The following SLC12A2 variants were observed in gnomAD, a reference collection of about 807,000 sequenced individuals.
SLC12A2 encodes solute carrier family 12 member 2, also known as Na-K-2Cl cotransporter 1.
A neutral mutation model predicts 136.3 loss-of-function variants in SLC12A2; 67 were observed. That is an observed-to-expected ratio of 0.49 (90% confidence interval 0.40 to 0.60). SLC12A2 has a LOEUF of 0.60. SLC12A2 is among the 20% of genes least tolerant of loss of function. The pLI, the probability that SLC12A2 is intolerant of heterozygous loss-of-function variation, is 0.00. For missense variants in SLC12A2, 1,322 were observed against 1,534.7 expected (o/e 0.86, Z 2.32); for synonymous variants, 619 against 562.9 (o/e 1.10, Z -1.41).
At chr5:128,129,979 A>G (rs1289901071) in intron 4 of SLC12A2, among the ~76,000 whole-genome samples, 2 of 151,232 alleles carry the variant, frequency 1.3e-5, no homozygotes, top group African/African-American at 4.9e-5. Context: ...GACAGGATTT[A>G]CTGGGATACA....
chr5:128,169,683 C>T (rs1763309029), intron 18 of SLC12A2: 1 of 152,062 alleles, frequency 6.6e-6, no homozygotes, highest in Non-Finnish European at 1.5e-5. Context: ...TTAATGTGGT[C>T]CATGAGCCAT....
chr5:128,151,879 G>A (rs752368024), intron 14 of SLC12A2, among the ~76,000 whole-genome samples: 28 of 152,092 alleles, frequency 1.8e-4, no homozygotes, highest in Admixed American at 1.3e-4. Flanking sequence ...TTACTGTGTA[G>A]CAGGGGAAAT....
intron 20 of SLC12A2, among the ~76,000 whole-genome samples, chr5:128,175,655 A>G (rs1015477377): frequency 5.3e-5 from 8 of 152,020 alleles, no homozygotes; most frequent in African/African-American, 1.7e-4. Context: ...TGTTACCCAT[A>G]CATTAGCTAA....
chr5:128,101,008 C>T (rs370116594), intron 1 of SLC12A2, among the ~76,000 whole-genome samples: 1 of 152,144 alleles, frequency 6.6e-6, no homozygotes, highest in African/African-American at 2.4e-5. Context: ...TGTAAAGTCA[C>T]ATGGTCACAC....
chr5:128,152,411 CAAT>C (rs933466552), intron 14 of SLC12A2, among the ~76,000 whole-genome samples: 2 of 152,132 alleles, frequency 1.3e-5, no homozygotes, highest in Non-Finnish European at 2.9e-5. Context: ...TATATACAAA[CAAT>C]AATTTTAACA....
chr5:128,090,752 C>G (rs1210981837), intron 1 of SLC12A2, among the ~76,000 whole-genome samples: 1 of 152,142 alleles, frequency 6.6e-6, no homozygotes, highest in Non-Finnish European at 1.5e-5. Flanking sequence ...AAAGAACACT[C>G]TAGGCAGAGG....
intron 7 of SLC12A2, 81 bp from the exon 8 acceptor site, chr5:128,138,516 G>A: frequency 2.3e-6 from 3 of 1,292,046 alleles, no homozygotes; most frequent in African/African-American, 1.5e-5. Context: ...TAGGGGTCAT[G>A]TATACCTATT....
At chr5:128,106,389 A>G (rs888332325) in intron 1 of SLC12A2, among the ~76,000 whole-genome samples, 11 of 152,300 alleles carry the variant, frequency 7.2e-5, no homozygotes, top group African/African-American at 2.6e-4. Context: ...TGTGGACCAA[A>G]TACCATACTT....
At chr5:128,099,371 A>G (rs1294935368) in intron 1 of SLC12A2, among the ~76,000 whole-genome samples, 20 of 152,214 alleles carry the variant, frequency 1.3e-4, no homozygotes, top group Admixed American at 9.2e-4. Context: ...TGTGTAGGAT[A>G]CTTACTATTG....
chr5:128,162,337 A>G lies in SLC12A2; in HGVS notation c.2616+537A>G, dbSNP rs1406557351. Among the ~76,000 whole-genome samples the G allele has an allele frequency of 2.6e-5, 4 of 152,130 alleles. No homozygotes were observed. In the East Asian group the frequency reaches 5.8e-4, roughly 22 times the overall value. ...GAGCTACCCGTATCAGAAACTTAAC[A>G]TATATGACAAAGGTGCTATTGAAAG... On this transcript the variant is annotated intron_variant, in intron 17 of 26. Coordinates refer to ENST00000262461, the MANE Select transcript of SLC12A2 (RefSeq NM_001046.3).
chr5:128,083,975 G>A lies in SLC12A2; in HGVS notation c.21G>A (p.Ala7=), dbSNP rs1759925882. MEPRPT[A]PSSGAPGLAG... Reference sequence around the variant, plus strand: ...CAGCTATGGAGCCGCGGCCCACGGCGCCCTCCTCCGGCGCCCCGGGACTGG... The same window carrying A: ...CAGCTATGGAGCCGCGGCCCACGGCACCCTCCTCCGGCGCCCCGGGACTGG... The change falls in exon 1 of 27, where the codon GCG becomes GCA. Residue 7 remains alanine, a synonymous_variant. Coordinates refer to ENST00000262461, the MANE Select transcript of SLC12A2 (RefSeq NM_001046.3). 8.1e-7 allele frequency: 1 copy of A among 1,240,846 alleles called. No individual in the cohort carries two copies. The allele number at this position is 1,240,846 out of a possible 1,614,324, so 76.9% of individuals were successfully genotyped here.
intron 15 of SLC12A2, among the ~76,000 whole-genome samples, chr5:128,154,369 A>C (rs72794392): frequency 6.6e-6 from 1 of 151,634 alleles, no homozygotes; most frequent in Non-Finnish European, 1.5e-5. Flanking sequence ...GTGAGCCATG[A>C]TTGTACCACT....
At position 128,187,301 on chromosome 5, in the gene SLC12A2, C is replaced by A. The variant is rs1763900038; in HGVS notation, c.*670C>A. 6.6e-6 allele frequency: 1 copy of A among 151,964 alleles called. No homozygotes were observed. The highest frequency in any genetic ancestry group is 2.1e-4 in the South Asian group (1 of 4,816). 9.4% of individuals were successfully genotyped at this position (151,964 alleles called of 1,614,324 possible). A position where few individuals can be genotyped will look rare whatever the true frequency, so the allele number is the denominator to read the frequency against. ...AAAGCCCCCCCAAATACCTTTTTAA[C>A]CCCTCTGATTGGCTATTATTACTAT... On this transcript the variant is annotated 3_prime_UTR_variant, in exon 27 of 27. Coordinates refer to ENST00000262461, the MANE Select transcript of SLC12A2 (RefSeq NM_001046.3).
chr5:128,099,496 A>T (rs72794361), intron 1 of SLC12A2, among the ~76,000 whole-genome samples: 17,327 of 152,182 alleles, frequency 0.11, 1,056 homozygotes, highest in African/African-American at 0.16. Flanking sequence ...AAATTTATTT[A>T]AAAAATATTT....
intron 1 of SLC12A2, among the ~76,000 whole-genome samples, chr5:128,087,755 G>A (rs1760153016): frequency 6.6e-6 from 1 of 152,200 alleles, no homozygotes; most frequent in Non-Finnish European, 1.5e-5. Context: ...AGAGACTCAA[G>A]TGATTACTGT....
At chr5:128,164,992 G>T (rs545447073) in intron 17 of SLC12A2, among the ~76,000 whole-genome samples, 2 of 151,788 alleles carry the variant, frequency 1.3e-5, no homozygotes, top group Admixed American at 1.3e-4. Context: ...ATAGGCGTGC[G>T]CTACCATGGC....
Position 128,114,182 on chromosome 5 carries a change from CTG to C in SLC12A2, c.877-26_877-25del, listed in dbSNP as rs766746653. The C allele has an allele frequency of 4.0e-6, 6 of 1,495,184 alleles. No individual in the cohort carries two copies. The African/African-American group carries it at 8.3e-5, about 21-fold the overall frequency. 92.6% of individuals were successfully genotyped at this position (1,495,184 alleles called of 1,614,324 possible). ...ATAATGTTTGATTATTCTTCTTCCT[CTG>C]TGTCTTGGCCTCTTTTTCCCTCTTT... On this transcript the variant is annotated intron_variant, in intron 2 of 26. Coordinates refer to ENST00000262461, the MANE Select transcript of SLC12A2 (RefSeq NM_001046.3).
At chr5:128,127,261 A>G (rs113736209) in intron 4 of SLC12A2, among the ~76,000 whole-genome samples, 19,188 of 150,080 alleles carry the variant, frequency 0.13, 1,410 homozygotes, top group African/African-American at 0.21. Flanking sequence ...AGCCGGGACT[A>G]CAGGCACCCG....
intron 4 of SLC12A2, among the ~76,000 whole-genome samples, chr5:128,125,768 C>G (rs1761767752): frequency 6.6e-6 from 1 of 151,956 alleles, no homozygotes; most frequent in Non-Finnish European, 1.5e-5. Flanking sequence ...CTTCTAGAAG[C>G]TTTATAGTTT....
Sources: gnomAD v4.1 joint callset for allele counts (sites outside exome capture counted in the v4.1 genomes callset) on GRCh38, gnomAD v4.1.1 for gene constraint, MANE v1.5 for transcripts, NCBI Gene and HGNC (gene_info 2026-07-23, HGNC 2026-07-21) for gene names.